The following LIPC variants were observed in gnomAD, a reference collection of about 807,000 sequenced individuals.
LIPC encodes the protein hepatic triacylglycerol lipase.
In LIPC, 44 loss-of-function variants were observed where a neutral mutation model predicts 50.7. The observed-to-expected ratio is 0.87, with a 90% CI of 0.68 to 1.11. The LOEUF is 1.11. Among genes scored for constraint, LIPC ranks in the 50% most tolerant of loss-of-function variants. The probability of loss-of-function intolerance (pLI) is 0.00; values close to 1 mark genes in which losing one functional copy is unlikely to be tolerated. For synonymous variants in LIPC, 271 were observed against 256.4 expected, an observed-to-expected ratio of 1.06 and a Z score of -0.54; for missense variants, 697 against 648.2, an observed-to-expected ratio of 1.08 and a Z score of -0.82.
At chr15:58,550,275 G>C (rs567156389) in intron 6 of LIPC, among the ~76,000 whole-genome samples, 1 of 152,164 alleles carries the variant, frequency 6.6e-6, no homozygotes, top group Non-Finnish European at 1.5e-5. Flanking sequence ...GAAGAAAAGA[G>C]GTCATTTTTC....
chr15:58,493,241 C>T (rs541889575), intron 1 of LIPC, among the ~76,000 whole-genome samples: 510 of 152,180 alleles, frequency 3.4e-3, no homozygotes, highest in Admixed American at 4.1e-3. Flanking sequence ...GTTCTCTCTG[C>T]CGGCCACCTC....
chr15:58,458,270 T>C (rs1288100886), intron 1 of LIPC, among the ~76,000 whole-genome samples: 1 of 152,144 alleles, frequency 6.6e-6, no homozygotes, highest in Non-Finnish European at 1.5e-5. Flanking sequence ...AAATGTGAAG[T>C]TCACAGACTG....
chr15:58,502,145 TG>T (rs1892004866), intron 1 of LIPC, among the ~76,000 whole-genome samples: 1 of 151,998 alleles, frequency 6.6e-6, no homozygotes, highest in Non-Finnish European at 1.5e-5. Context: ...GTTCCCAGAG[TG>T]GGGCAGGAAG....
chr15:58,482,571 T>C (rs1164239702), intron 1 of LIPC, among the ~76,000 whole-genome samples: 1 of 152,132 alleles, frequency 6.6e-6, no homozygotes, highest in Admixed American at 6.5e-5. Flanking sequence ...ATGAAAAGCA[T>C]ATGGGTCACT....
chr15:58,437,956 G>A lies in LIPC; in HGVS notation c.88+5836G>A, dbSNP rs563199941. On this transcript the variant is annotated intron_variant, in intron 1 of 8. Transcript: ENST00000299022. ...CACCCTGGAGAGACGGGGGACAGCA[G>A]CCTGTCCTCCACTCTGCTTGCCTCT... Among the ~76,000 whole-genome samples, 5 of 152,288 alleles carry A rather than the reference G, an allele frequency of 3.3e-5. No homozygotes were observed. In the South Asian group the frequency reaches 1.0e-3, roughly 32 times the overall value.
At chr15:58,499,190 C>T (rs113745573) in intron 1 of LIPC, among the ~76,000 whole-genome samples, 90 of 152,336 alleles carry the variant, frequency 5.9e-4, no homozygotes, top group African/African-American at 2.0e-3. Context: ...TCAGAGGCAG[C>T]TCTATAAATT....
intron 1 of LIPC, 152 bp downstream of exon 1, chr15:58,432,272 A>T (rs1893150108): frequency 1.2e-5 from 8 of 685,150 alleles, no homozygotes; most frequent in South Asian, 1.1e-4. Context: ...GTTCACAGGG[A>T]CACGTAGCCG....
chr15:58,435,402 C>T (rs1281844974), intron 1 of LIPC: 3 of 144,880 alleles, frequency 2.1e-5, no homozygotes, highest in African/African-American at 7.5e-5. Flanking sequence ...AACCACTGCG[C>T]TTGTGCAGTG....
At position 58,548,412 on chromosome 15, in the gene LIPC, C is replaced by T; in HGVS notation, c.891C>T (p.Ser297=). The change falls in exon 6 of 9, where the codon AGC becomes AGT. Residue 297 remains serine, a synonymous_variant. Transcript: ENST00000299022. ...IDSLLHAGTQ[S]MAYPCGDMNS... ...CCTTGCTGCACGCCGGCACGCAGAG[C>T]ATGGCCTACCCGTGTGGTGACATGA... 6.2e-7 allele frequency: 1 copy of T among 1,614,170 alleles called. No individual in the cohort carries two copies. Among genetic ancestry groups the T allele is most frequent in the South Asian group, 1.1e-5 (1 of 91,080 alleles).
chr15:58,548,357 A>C lies in LIPC; in HGVS notation c.836A>C (p.His279Pro). ...ATCACCCAGACCATAAAATGCTCCC[A>C]CGAGCGATCGGTGCACCTTTTCATC... ...NAITQTIKCS[H>P]ERSVHLFIDS... The change falls in exon 6 of 9, where the codon CAC becomes CCC. Residue 279 changes from histidine (H) to proline (P), a missense_variant. Physicochemically the swap from His to Pro is moderately conservative, Grantham distance 77. Transcript: ENST00000299022. 1 of 1,614,062 alleles carries C rather than the reference A, an allele frequency of 6.2e-7. No homozygotes were observed. The highest frequency in any genetic ancestry group is 1.1e-5 in the South Asian group (1 of 91,082).
intron 1 of LIPC, among the ~76,000 whole-genome samples, chr15:58,479,756 A>G (rs895647924): frequency 2.0e-5 from 3 of 152,168 alleles, no homozygotes; most frequent in Admixed American, 6.5e-5. Context: ...TCTTTCATAG[A>G]CCAATATTTT....
At chr15:58,461,512 G>A (rs534763941) in intron 1 of LIPC, among the ~76,000 whole-genome samples, 10 of 152,184 alleles carry the variant, frequency 6.6e-5, no homozygotes, top group South Asian at 6.2e-4. Flanking sequence ...TGGTTCAAGC[G>A]ATTCTCCTGC....
chr15:58,439,711 G>C (rs996842003), intron 1 of LIPC, among the ~76,000 whole-genome samples: 1 of 152,158 alleles, frequency 6.6e-6, no homozygotes, highest in Non-Finnish European at 1.5e-5. Context: ...CAAAGTGCTG[G>C]GATTACAGGC....
chr15:58,525,711 A>G (rs1892780330), intron 1 of LIPC, among the ~76,000 whole-genome samples: 1 of 152,174 alleles, frequency 6.6e-6, no homozygotes, highest in East Asian at 1.9e-4. Context: ...CTCAGCACTG[A>G]TCTTCTGGTC....
chr15:58,548,587 G>C lies in LIPC; in HGVS notation c.1051+15G>C. 1 of 1,583,962 alleles carries C rather than the reference G, an allele frequency of 6.3e-7. No individual in the cohort carries two copies. Among genetic ancestry groups the C allele is most frequent in the African/African-American group, 1.3e-5 (1 of 74,732 alleles). On this transcript the variant is annotated intron_variant, in intron 6 of 8. Coordinates refer to ENST00000299022, the MANE Select transcript of LIPC (RefSeq NM_000236.3). ...CCCCTTCAAAGGTGAGTGTGGAGCT[G>C]GGGAGCCTTCAGAAGGGCAGGATGC...
chr15:58,538,654 T>G, intron 2 of LIPC, 137 bp downstream of exon 2: 1 of 855,974 alleles, frequency 1.2e-6, no homozygotes, highest in Non-Finnish European at 1.9e-6. Flanking sequence ...CACGTTCTAA[T>G]TTTCCAAGTG....
chr15:58,532,159 G>A (rs1892979668), intron 1 of LIPC, among the ~76,000 whole-genome samples: 1 of 152,234 alleles, frequency 6.6e-6, no homozygotes, highest in African/African-American at 2.4e-5. Flanking sequence ...GATGGTGGGA[G>A]TGGGAGAAAC....
chr15:58,466,337 C>G (rs1409561855), intron 1 of LIPC, among the ~76,000 whole-genome samples: 4 of 152,272 alleles, frequency 2.6e-5, no homozygotes, highest in South Asian at 4.1e-4. Flanking sequence ...TTTAAGGCAG[C>G]CTTTGTCAGG....
In LIPC at chr15:58,500,576, A is replaced by G. The variant is rs575180894; in HGVS notation, c.89-37757A>G. On this transcript the variant is annotated intron_variant, in intron 1 of 8. Coordinates refer to ENST00000299022, the MANE Select transcript of LIPC (RefSeq NM_000236.3). ...TGGGAGAAGATGCTGTACAATATTT[A>G]CTCCTGTTGAAAATTATAATCAATA... Among the ~76,000 whole-genome samples the G allele has an allele frequency of 7.2e-5, 11 of 151,926 alleles. No homozygotes were observed. In the East Asian group the frequency reaches 1.9e-3, roughly 27 times the overall value.
Sources: allele counts gnomAD v4.1 joint callset (sites outside exome capture counted in the v4.1 genomes callset), GRCh38; gene constraint gnomAD v4.1.1; transcripts MANE v1.5; gene names NCBI Gene and HGNC (gene_info 2026-07-23, HGNC 2026-07-21).